Variants in JAZF1 observed in about 807,000 individuals in gnomAD.
JAZF1 encodes the protein juxtaposed with another zinc finger protein 1.
Under a neutral mutation model 26.4 loss-of-function variants are expected in JAZF1, and 8 were observed. The observed-to-expected ratio is 0.30, with a 90% CI of 0.18 to 0.55. JAZF1 has a LOEUF of 0.55. JAZF1 is among the 20% of genes least tolerant of loss of function. The pLI is 0.94. For synonymous variants in JAZF1, 126 were observed against 122.3 expected, an observed-to-expected ratio of 1.03 and a Z score of -0.20; for missense variants, 199 against 322.0, an observed-to-expected ratio of 0.62 and a Z score of 2.92.
At position 27,831,137 on chromosome 7, in the gene JAZF1, C is replaced by G. The variant is rs1400950765; in HGVS notation, c.*1663G>C. Reference sequence around the variant, plus strand: ...TATATTCAGGACCAAGACCATACTTCAGATCTGAGGAAATTTTTAGAGGGC... The same window carrying G: ...TATATTCAGGACCAAGACCATACTTGAGATCTGAGGAAATTTTTAGAGGGC... On this transcript the variant is annotated 3_prime_UTR_variant, in exon 5 of 5. Transcript: ENST00000283928. 4.5e-6 allele frequency: 1 copy of G among 223,190 alleles called. No homozygotes were observed. Among genetic ancestry groups the G allele is most frequent in the African/African-American group, 2.2e-5 (1 of 44,756 alleles). 13.8% of individuals were successfully genotyped at this position (223,190 alleles called of 1,614,324 possible).
chr7:27,904,634 A>G (rs1784219095), intron 2 of JAZF1, among the ~76,000 whole-genome samples: 1 of 148,854 alleles, frequency 6.7e-6, no homozygotes, highest in African/African-American at 2.5e-5. Flanking sequence ...CACGGGGTGG[A>G]TTTTGAAGCT....
At chr7:28,117,066 C>T (rs548242718) in intron 1 of JAZF1, among the ~76,000 whole-genome samples, 33 of 152,286 alleles carry the variant, frequency 2.2e-4, no homozygotes, top group African/African-American at 7.7e-4. Flanking sequence ...TCAGATGATC[C>T]ACCCGCCTTG....
At position 28,062,573 on chromosome 7, in the gene JAZF1, C is replaced by T. The variant is rs112346299; in HGVS notation, c.116-70592G>A. ...CCACCGTGATACTCCAAGTGCCCAC[C>T]GTGATACTCCAACTCTCCACCAGCC... On this transcript the variant is annotated intron_variant, in intron 1 of 4. Transcript: ENST00000283928. Among the ~76,000 whole-genome samples the T allele has an allele frequency of 9.9e-3, 1,510 of 152,062 alleles. 24 individuals carry two copies. Among genetic ancestry groups the T allele is most frequent in the African/African-American group, 0.035 (1,434 of 41,420 alleles).
chr7:28,029,481 G>A (rs1177162006), intron 1 of JAZF1, among the ~76,000 whole-genome samples: 1 of 152,150 alleles, frequency 6.6e-6, no homozygotes, highest in Non-Finnish European at 1.5e-5. Context: ...AACAGACCAT[G>A]GGAAGTTACT....
chr7:28,004,807 C>G (rs1480261113), intron 1 of JAZF1, among the ~76,000 whole-genome samples: 1 of 152,118 alleles, frequency 6.6e-6, no homozygotes, highest in African/African-American at 2.4e-5. Flanking sequence ...TGTGCACCAC[C>G]ACACCTAGCT....
intron 2 of JAZF1, among the ~76,000 whole-genome samples, chr7:27,946,420 C>T (rs551412758): frequency 4.6e-5 from 7 of 152,284 alleles, no homozygotes; most frequent in African/African-American, 7.2e-5. Context: ...ATATTTAGCA[C>T]CAGCTGACAA....
intron 1 of JAZF1, among the ~76,000 whole-genome samples, chr7:28,166,520 C>T (rs1213335991): frequency 6.6e-6 from 1 of 152,202 alleles, no homozygotes; most frequent in African/African-American, 2.4e-5. Flanking sequence ...CACCACAAAC[C>T]TTTACAAACC....
intron 3 of JAZF1, among the ~76,000 whole-genome samples, chr7:27,887,723 T>C (rs1342215238): frequency 6.6e-6 from 1 of 152,136 alleles, no homozygotes; most frequent in Non-Finnish European, 1.5e-5. Flanking sequence ...GCCAATTTGA[T>C]TGTTTTCTTC....
In JAZF1 at chr7:27,868,450, C is replaced by T. The variant is rs566805522; in HGVS notation, c.385+26770G>A. Among the ~76,000 whole-genome samples the T allele has an allele frequency of 1.7e-4, 26 of 152,292 alleles. 1 individual carries two copies. In the South Asian group the frequency reaches 4.4e-3, roughly 26 times the overall value. On this transcript the variant is annotated intron_variant, in intron 3 of 4. Transcript: ENST00000283928. ...CAGATTCCTCCGCCCCTGCATGGGC[C>T]GCCTCACGGGGGTTTCTCACCATCC...
intron 3 of JAZF1, chr7:27,843,057 G>C (rs1054745737): frequency 2.0e-5 from 3 of 152,320 alleles, no homozygotes; most frequent in Admixed American, 1.3e-4. Flanking sequence ...CCCCAGGCAG[G>C]GCAGGAAGGG....
intron 2 of JAZF1, among the ~76,000 whole-genome samples, chr7:27,916,225 T>C (rs1583462338): frequency 6.6e-6 from 1 of 151,512 alleles, no homozygotes; most frequent in African/African-American, 2.4e-5. Flanking sequence ...AGCCTAAGTC[T>C]CAAACCCAAC....
intron 1 of JAZF1, among the ~76,000 whole-genome samples, chr7:28,096,787 G>T (rs1784394129): frequency 6.6e-6 from 1 of 152,168 alleles, no homozygotes; most frequent in Admixed American, 6.5e-5. Flanking sequence ...ATGGCCGTGG[G>T]AAGCTGACTG....
chr7:27,940,476 G>A lies in JAZF1; in HGVS notation c.189-45060C>T, dbSNP rs561223087. ...CAGCACACACACATGCCCAGATGCC[G>A]TCTCAGCAGTCAGCCCGCATGGTTT... On this transcript the variant is annotated intron_variant, in intron 2 of 4. Coordinates refer to ENST00000283928, the MANE Select transcript of JAZF1 (RefSeq NM_175061.4). Among the ~76,000 whole-genome samples, 7 of 152,228 alleles carry A rather than the reference G, an allele frequency of 4.6e-5. No homozygotes were observed. In the East Asian group the frequency reaches 1.2e-3, roughly 25 times the overall value.
chr7:27,854,559 G>C, intron 3 of JAZF1, among the ~76,000 whole-genome samples: 1 of 152,186 alleles, frequency 6.6e-6, no homozygotes, highest in East Asian at 1.9e-4. Flanking sequence ...TGTAAGGCAG[G>C]CCTGGTGGTG....
Position 27,832,687 on chromosome 7 carries a change from A to G in JAZF1, c.*113T>C. The G allele has an allele frequency of 1.2e-6, 1 of 852,578 alleles. No individual in the cohort carries two copies. 52.8% of individuals were successfully genotyped at this position (852,578 alleles called of 1,614,324 possible). On this transcript the variant is annotated 3_prime_UTR_variant, in exon 5 of 5. Transcript: ENST00000283928. ...ATTACAGAAAAAATTTAAAGCATGC[A>G]TTTAATTCTTTTTCTTTAAAGGGTT...
intron 2 of JAZF1, among the ~76,000 whole-genome samples, chr7:27,935,836 A>G (rs1784756343): frequency 6.6e-6 from 1 of 151,794 alleles, no homozygotes; most frequent in Non-Finnish European, 1.5e-5. Context: ...CTTCTACCCA[A>G]TTTTGAAGGG....
At chr7:27,978,504 GT>G (rs1180728733) in intron 2 of JAZF1, among the ~76,000 whole-genome samples, 1 of 152,146 alleles carries the variant, frequency 6.6e-6, no homozygotes, top group Non-Finnish European at 1.5e-5. Flanking sequence ...ACGATGATGA[GT>G]AAAAAGAGTA....
intron 1 of JAZF1, among the ~76,000 whole-genome samples, chr7:28,098,241 A>C (rs940664113): frequency 1.3e-5 from 2 of 152,038 alleles, no homozygotes; most frequent in African/African-American, 4.8e-5. Flanking sequence ...GGACGTAGCG[A>C]GAAGACAGCT....
At chr7:27,838,810 C>G (rs1782868012) in intron 4 of JAZF1, among the ~76,000 whole-genome samples, 1 of 152,180 alleles carries the variant, frequency 6.6e-6, no homozygotes, top group Non-Finnish European at 1.5e-5. Flanking sequence ...TGTATCATGA[C>G]CTGGCATTCT....
Sources: allele counts gnomAD v4.1 joint callset (sites outside exome capture counted in the v4.1 genomes callset), GRCh38; gene constraint gnomAD v4.1.1; transcripts MANE v1.5; gene names NCBI Gene and HGNC (gene_info 2026-07-23, HGNC 2026-07-21).